UNC5D: variants seen among roughly 807,000 people sequenced by gnomAD.
UNC5D encodes the protein unc-5 netrin receptor D, also known as netrin receptor UNC5D.
In UNC5D, 39 loss-of-function variants were observed where a neutral mutation model predicts 105.4. The observed-to-expected ratio is 0.37, with a 90% CI of 0.29 to 0.48. The LOEUF is 0.48. UNC5D is among the 20% of genes least tolerant of loss of function. The probability of loss-of-function intolerance (pLI) is 0.98; values close to 1 mark genes in which losing one functional copy is unlikely to be tolerated. For synonymous variants in UNC5D, 452 were observed against 450.4 expected, an observed-to-expected ratio of 1.00 and a Z score of -0.04; for missense variants, 991 against 1,202.4, an observed-to-expected ratio of 0.82 and a Z score of 2.60.
chr8:35,664,234 T>C, intron 4 of UNC5D, among the ~76,000 whole-genome samples: 1 of 152,222 alleles, frequency 6.6e-6, no homozygotes, highest in East Asian at 1.9e-4. Context: ...AGCACTATTT[T>C]CATTGATGAT....
At chr8:35,742,265 A>G (rs1295294202) in intron 11 of UNC5D, among the ~76,000 whole-genome samples, 2 of 152,192 alleles carry the variant, frequency 1.3e-5, no homozygotes, top group East Asian at 3.9e-4. Flanking sequence ...AAAAAAAAAA[A>G]AGAGAGAGAG....
chr8:35,248,747 A>C, intron 1 of UNC5D, among the ~76,000 whole-genome samples: 1 of 98,724 alleles, frequency 1.0e-5, no homozygotes, highest in South Asian at 3.2e-4. Flanking sequence ...TATATATAAA[A>C]TATATAAATA....
intron 1 of UNC5D, among the ~76,000 whole-genome samples, chr8:35,363,013 C>T (rs1006830209): frequency 1.3e-4 from 20 of 152,208 alleles, no homozygotes; most frequent in African/African-American, 4.1e-4. Flanking sequence ...TCCCGGGTCA[C>T]GTGTTGCAAG....
intron 7 of UNC5D, among the ~76,000 whole-genome samples, chr8:35,700,472 C>T (rs1415513812): frequency 1.3e-5 from 2 of 151,854 alleles, no homozygotes; most frequent in Non-Finnish European, 2.9e-5. Flanking sequence ...AAAAAAAATA[C>T]GTTGTGTTTT....
intron 2 of UNC5D, among the ~76,000 whole-genome samples, chr8:35,567,126 G>T (rs1817402034): frequency 6.6e-6 from 1 of 151,166 alleles, no homozygotes; most frequent in African/African-American, 2.4e-5. Flanking sequence ...CTGCATCTCA[G>T]TTCACTGCTG....
In UNC5D at chr8:35,739,348, C is replaced by G. The variant is rs1395833273; in HGVS notation, c.1766+8252C>G. Among the ~76,000 whole-genome samples, 11 of 152,056 alleles carry G rather than the reference C, an allele frequency of 7.2e-5. No individual in the cohort carries two copies. In the East Asian group the frequency reaches 1.9e-3, roughly 27 times the overall value. ...AAGAGATAGAAAAGGGGGAGAGGAA[C>G]AAATTTTTTAAAAATCACATTGTCA... is the stretch of plus-strand genomic sequence containing the variant. On this transcript the variant is annotated intron_variant, in intron 11 of 16. Transcript: ENST00000404895.
intron 7 of UNC5D, among the ~76,000 whole-genome samples, chr8:35,687,303 G>A (rs901947491): frequency 2.6e-5 from 4 of 152,018 alleles, no homozygotes; most frequent in African/African-American, 4.8e-5. Flanking sequence ...TTAGCCAGGC[G>A]TGGTGGTGGG....
chr8:35,343,748 C>T (rs750146028), intron 1 of UNC5D, among the ~76,000 whole-genome samples: 1 of 152,136 alleles, frequency 6.6e-6, no homozygotes, highest in Non-Finnish European at 1.5e-5. Context: ...TTGTGGTATC[C>T]TCTCTTCTAT....
chr8:35,779,763 T>A (rs1802419639), intron 16 of UNC5D, among the ~76,000 whole-genome samples: 1 of 151,848 alleles, frequency 6.6e-6, no homozygotes, highest in African/African-American at 2.4e-5. Context: ...GCCAGGAGAG[T>A]GTTCTTGACC....
intron 8 of UNC5D, among the ~76,000 whole-genome samples, chr8:35,709,811 A>G (rs950844914): frequency 6.6e-6 from 1 of 152,232 alleles, no homozygotes; most frequent in African/African-American, 2.4e-5. Flanking sequence ...GAACAGCAGG[A>G]CACAAATGCT....
intron 7 of UNC5D, among the ~76,000 whole-genome samples, chr8:35,701,952 T>C (rs1229208236): frequency 6.7e-6 from 1 of 149,824 alleles, no homozygotes; most frequent in African/African-American, 2.4e-5. Flanking sequence ...CACAACTACC[T>C]AGTAACTGTG....
Position 35,316,098 on chromosome 8 carries a change from C to T in UNC5D, c.103+80211C>T, listed in dbSNP as rs560842695. ...CCAACCGACTAGGCAGTACATTAAT[C>T]GAATAGTATATTGAAGGAAGACTGA... On this transcript the variant is annotated intron_variant, in intron 1 of 16. Coordinates refer to ENST00000404895, the MANE Select transcript of UNC5D (RefSeq NM_080872.4). Among the ~76,000 whole-genome samples, 14 of 152,146 alleles carry T rather than the reference C, an allele frequency of 9.2e-5. No homozygotes were observed. The South Asian group carries it at 1.9e-3, about 20-fold the overall frequency.
At chr8:35,597,104 G>A (rs1054212052) in intron 4 of UNC5D, among the ~76,000 whole-genome samples, 1 of 151,934 alleles carries the variant, frequency 6.6e-6, no homozygotes, top group African/African-American at 2.4e-5. Flanking sequence ...TAATTGGCAG[G>A]ACAAAAAAGG....
Position 35,270,676 on chromosome 8 carries a change from A to G in UNC5D, c.103+34789A>G, listed in dbSNP as rs193205627. Among the ~76,000 whole-genome samples the G allele has an allele frequency of 3.0e-3, 451 of 152,304 alleles. 2 individuals are homozygous for G. Among genetic ancestry groups the G allele is most frequent in the African/African-American group, 0.01 (426 of 41,574 alleles). ...AAACTAAAATCTTGTGTCCTGTCAG[A>G]TCTTAAATGATAAAATCTAAGACAC... On this transcript the variant is annotated intron_variant, in intron 1 of 16. Transcript: ENST00000404895.
At chr8:35,440,945 T>C (rs768421322) in intron 1 of UNC5D, among the ~76,000 whole-genome samples, 5 of 151,966 alleles carry the variant, frequency 3.3e-5, no homozygotes, top group Non-Finnish European at 5.9e-5. Flanking sequence ...GGGACCAGAC[T>C]GTATCTACTC....
chr8:35,691,244 G>A (rs1417789048), intron 7 of UNC5D, among the ~76,000 whole-genome samples: 2 of 152,094 alleles, frequency 1.3e-5, no homozygotes. Context: ...AGCAGGTGGG[G>A]GACCCAGGAG....
chr8:35,752,519 C>T (rs545963792), intron 13 of UNC5D, among the ~76,000 whole-genome samples: 3 of 152,252 alleles, frequency 2.0e-5, no homozygotes, highest in African/African-American at 7.2e-5. Context: ...GAAGGGCACA[C>T]TTCATCTTTG....
chr8:35,534,007 C>G (rs1159309429), intron 1 of UNC5D, among the ~76,000 whole-genome samples: 1 of 148,472 alleles, frequency 6.7e-6, no homozygotes, highest in Non-Finnish European at 1.5e-5. Flanking sequence ...CACCCGTCTT[C>G]TGCGTCGCTC....
chr8:35,727,743 T>C (rs532839594), intron 10 of UNC5D: 1 of 152,292 alleles, frequency 6.6e-6, no homozygotes, highest in East Asian at 1.9e-4. Context: ...GGTAAGGATC[T>C]TTGTTCAAAT....
Sources: gnomAD v4.1 joint callset for allele counts (sites outside exome capture counted in the v4.1 genomes callset) on GRCh38, gnomAD v4.1.1 for gene constraint, MANE v1.5 for transcripts, NCBI Gene and HGNC (gene_info 2026-07-23, HGNC 2026-07-21) for gene names.